SPAG1: variants seen among roughly 807,000 people sequenced by gnomAD.
The protein encoded by SPAG1 is sperm-associated antigen 1.
SPAG1 carries 69 observed loss-of-function variants against 100.5 expected under a neutral mutation model. That is an observed-to-expected ratio of 0.69 (90% CI 0.57 to 0.84). SPAG1 has a LOEUF of 0.84. Among genes scored for constraint, SPAG1 ranks in the 40% least tolerant of loss-of-function variants. The probability of loss-of-function intolerance (pLI) is 0.00; values close to 1 mark genes in which losing one functional copy is unlikely to be tolerated. For synonymous variants in SPAG1, 336 were observed against 411.6 expected, an observed-to-expected ratio of 0.82 and a Z score of 2.22; for missense variants, 955 against 1,133.1, an observed-to-expected ratio of 0.84 and a Z score of 2.26.
chr8:100,227,288 T>C (rs974439925), intron 14 of SPAG1, among the ~76,000 whole-genome samples: 3 of 152,244 alleles, frequency 2.0e-5, no homozygotes, highest in Non-Finnish European at 4.4e-5. Context: ...ATTTAATAAA[T>C]GTGACTTCAC....
rs148955724 is a variant in SPAG1, at chr8:100,224,098, A to C, written c.1689-1075A>C. ...GACGTAATTTTTAATTTTATTTTTA[A>C]ATCTAATTATGACATTCTGTATGTT... On this transcript the variant is annotated intron_variant, in intron 13 of 18. Transcript: ENST00000388798. 5.0e-3 allele frequency among the ~76,000 whole-genome samples: 764 copies of C among 152,292 alleles called. 5 individuals are homozygous for C. Among genetic ancestry groups the C allele is most frequent in the Admixed American group, 6.6e-3 (101 of 15,300 alleles).
At chr8:100,203,307 AAAGTTAATACTGAAT>A (rs1412061887) in intron 10 of SPAG1, among the ~76,000 whole-genome samples, 1 of 152,130 alleles carries the variant, frequency 6.6e-6, no homozygotes, top group Non-Finnish European at 1.5e-5. Context: ...TGTGATTGTG[AAAGTTAATACTGAAT>A]AAGCTTATAT....
intron 14 of SPAG1, 22 bp downstream of exon 14, chr8:100,225,361 T>G: frequency 6.2e-7 from 1 of 1,609,938 alleles, no homozygotes; most frequent in Non-Finnish European, 8.5e-7. Flanking sequence ...CTGCACTCAT[T>G]TCTTCTCAAG....
At chr8:100,209,439 A>G (rs571788309) in intron 10 of SPAG1, among the ~76,000 whole-genome samples, 1 of 149,010 alleles carries the variant, frequency 6.7e-6, no homozygotes, top group South Asian at 2.1e-4. Context: ...AAAAAAAAAA[A>G]GAAGAAGAAA....
At chr8:100,189,441 C>T (rs1010300730) in intron 8 of SPAG1, among the ~76,000 whole-genome samples, 7 of 152,168 alleles carry the variant, frequency 4.6e-5, no homozygotes, top group Middle Eastern at 6.8e-3. Context: ...CACGCCACTG[C>T]ACTCCAGCCT....
chr8:100,183,725 C>A (rs1816466019), intron 5 of SPAG1, among the ~76,000 whole-genome samples: 1 of 151,954 alleles, frequency 6.6e-6, no homozygotes, highest in Non-Finnish European at 1.5e-5. Flanking sequence ...ATAAGTTAGT[C>A]AAAATTTTAA....
chr8:100,173,562 C>A (rs908186359), intron 3 of SPAG1, among the ~76,000 whole-genome samples: 1 of 152,088 alleles, frequency 6.6e-6, no homozygotes, highest in African/African-American at 2.4e-5. Flanking sequence ...TACATCTTTT[C>A]TGAATAATAA....
chr8:100,164,075 TG>T (rs1815436840), intron 2 of SPAG1, among the ~76,000 whole-genome samples: 1 of 152,230 alleles, frequency 6.6e-6, no homozygotes, highest in East Asian at 1.9e-4. Flanking sequence ...AAGGAACAGA[TG>T]TCTCCATTTA....
At chr8:100,187,479 T>C (rs923092027) in intron 8 of SPAG1, among the ~76,000 whole-genome samples, 3 of 152,106 alleles carry the variant, frequency 2.0e-5, no homozygotes, top group Non-Finnish European at 4.4e-5. Flanking sequence ...AATACATATA[T>C]ATTTTAAAGA....
chr8:100,233,144 G>A (rs1195784354), intron 15 of SPAG1: 2 of 357,668 alleles, frequency 5.6e-6, no homozygotes, highest in South Asian at 2.6e-5. Flanking sequence ...TGCTCCCAGA[G>A]TACTTTGCAC....
chr8:100,174,617 G>A (rs1816026590), intron 3 of SPAG1, among the ~76,000 whole-genome samples: 1 of 152,228 alleles, frequency 6.6e-6, no homozygotes, highest in South Asian at 2.1e-4. Context: ...CCGTATCACA[G>A]AGGGTAGATG....
chr8:100,219,697 C>A (rs1818172757), intron 12 of SPAG1, among the ~76,000 whole-genome samples: 1 of 152,136 alleles, frequency 6.6e-6, no homozygotes, highest in South Asian at 2.1e-4. Flanking sequence ...TGAGATACAT[C>A]TTTAGTGATA....
chr8:100,168,687 C>CTTT lies in SPAG1; in HGVS notation c.300+2723_300+2725dup, dbSNP rs747506730. On this transcript the variant is annotated intron_variant, in intron 3 of 18. Transcript: ENST00000388798. ...AGCATGAGCCACCATGCCCAGCCAT[C>CTTT]TTTTTTTTTTTGTTGTTGAGACAGA... Among the ~76,000 whole-genome samples, 6 of 95,714 alleles carry CTTT rather than the reference C, an allele frequency of 6.3e-5. 1 individual carries two copies. The highest frequency in any genetic ancestry group is 3.2e-4 in the East Asian group (1 of 3,166). The allele number at this position is 95,714 out of a possible 152,430, so 62.8% of individuals were successfully genotyped here.
chr8:100,160,839 AAAAAATCTT>A (rs1244553590), intron 1 of SPAG1, among the ~76,000 whole-genome samples: 1 of 152,208 alleles, frequency 6.6e-6, no homozygotes, highest in East Asian at 1.9e-4. Flanking sequence ...AATTAACATT[AAAAAATCTT>A]AAAAAGCAAT....
At chr8:100,215,241 A>G (rs1403830987) in intron 12 of SPAG1, among the ~76,000 whole-genome samples, 3 of 151,736 alleles carry the variant, frequency 2.0e-5, no homozygotes, top group Non-Finnish European at 4.4e-5. Flanking sequence ...CCCTCGAAGC[A>G]TAATAGTCAC....
chr8:100,201,258 C>T (rs1017039562), intron 10 of SPAG1, among the ~76,000 whole-genome samples: 1 of 152,078 alleles, frequency 6.6e-6, no homozygotes, highest in East Asian at 1.9e-4. Flanking sequence ...GCCTGGACTA[C>T]AGGCACATGG....
chr8:100,196,530 T>G (rs1351781100), intron 10 of SPAG1, among the ~76,000 whole-genome samples: 1 of 152,242 alleles, frequency 6.6e-6, no homozygotes, highest in Non-Finnish European at 1.5e-5. Flanking sequence ...CTCTTCAAAT[T>G]ATTCCACCAA....
chr8:100,220,988 G>A (rs1173974303), intron 13 of SPAG1, among the ~76,000 whole-genome samples: 2 of 151,936 alleles, frequency 1.3e-5, no homozygotes, highest in African/African-American at 4.8e-5. Flanking sequence ...CAGGAGAATT[G>A]TTTGAACCCA....
intron 10 of SPAG1, among the ~76,000 whole-genome samples, chr8:100,204,972 C>T (rs1727796382): frequency 6.6e-6 from 1 of 152,180 alleles, no homozygotes; most frequent in African/African-American, 2.4e-5. Flanking sequence ...TCAGAATAGT[C>T]TGACTCATGT....
Sources: allele counts gnomAD v4.1 joint callset (sites outside exome capture counted in the v4.1 genomes callset), GRCh38; gene constraint gnomAD v4.1.1; transcripts MANE v1.5; gene names NCBI Gene and HGNC (gene_info 2026-07-23, HGNC 2026-07-21).